The following STUM variants were observed in gnomAD, a reference collection of about 807,000 sequenced individuals.
STUM encodes stum, mechanosensory transduction mediator homolog.
A neutral mutation model predicts 15.3 loss-of-function variants in STUM; 8 were observed. The ratio of observed to expected loss-of-function variants is 0.52; its 90% confidence interval spans 0.31 to 0.94. The LOEUF is 0.94. STUM is among the 40% of genes least tolerant of loss of function. The probability of loss-of-function intolerance (pLI) is 0.05; values close to 1 mark genes in which losing one functional copy is unlikely to be tolerated. For missense variants in STUM, 142 were observed against 204.9 expected (o/e 0.69, Z 1.87); for synonymous variants, 78 against 88.7 (o/e 0.88, Z 0.68).
rs1002552386 is a variant in STUM, at chr1:226,603,890, T to G, written c.*1850T>G. 4.6e-5 allele frequency: 7 copies of G among 152,406 alleles called. No individual in the cohort carries two copies. Among genetic ancestry groups the G allele is most frequent in the Non-Finnish European group, 1.0e-4 (7 of 68,182 alleles). The allele number at this position is 152,406 out of a possible 1,614,324, so 9.4% of individuals were successfully genotyped here. A position where few individuals can be genotyped will look rare whatever the true frequency, so the allele number is the denominator to read the frequency against. On this transcript the variant is annotated 3_prime_UTR_variant, in exon 4 of 4. Coordinates refer to ENST00000366788, the MANE Select transcript of STUM (RefSeq NM_001003665.4). Reference sequence around the variant, plus strand: ...TTTGGAAGCCTCTGTATCTTCAAGGTGTGGGAACAGATTTGGTTTTCTCTA... The same window carrying G: ...TTTGGAAGCCTCTGTATCTTCAAGGGGTGGGAACAGATTTGGTTTTCTCTA...
intron 1 of STUM, among the ~76,000 whole-genome samples, chr1:226,592,415 A>G (rs1445064232): frequency 6.6e-6 from 1 of 152,190 alleles, no homozygotes; most frequent in East Asian, 1.9e-4. Context: ...CTTCTAAACT[A>G]GACAGATTGA....
intron 1 of STUM, among the ~76,000 whole-genome samples, chr1:226,555,070 T>G (rs1476041116): frequency 6.6e-6 from 1 of 152,196 alleles, no homozygotes; most frequent in African/African-American, 2.4e-5. Context: ...TTTCTTTACT[T>G]GGCTTCTACA....
chr1:226,582,841 C>T (rs1202337641), intron 1 of STUM, among the ~76,000 whole-genome samples: 1 of 152,204 alleles, frequency 6.6e-6, no homozygotes, highest in Admixed American at 6.5e-5. Context: ...TGGTAACCAA[C>T]AAGTTTGTGA....
At chr1:226,583,365 G>C (rs1319231005) in intron 1 of STUM, among the ~76,000 whole-genome samples, 1 of 152,196 alleles carries the variant, frequency 6.6e-6, no homozygotes, top group African/African-American at 2.4e-5. Flanking sequence ...AAAGACTTGG[G>C]ATTGTTGTAG....
intron 1 of STUM, among the ~76,000 whole-genome samples, chr1:226,593,494 C>A (rs1668122658): frequency 6.6e-6 from 1 of 152,164 alleles, no homozygotes; most frequent in African/African-American, 2.4e-5. Context: ...AGCCCTCAGC[C>A]TCCTTCTCCT....
At chr1:226,578,239 T>A (rs1219622481) in intron 1 of STUM, among the ~76,000 whole-genome samples, 1 of 152,122 alleles carries the variant, frequency 6.6e-6, no homozygotes, top group Non-Finnish European at 1.5e-5. Context: ...TTTTTAATTT[T>A]AAAAATGTTT....
At chr1:226,575,124 C>T (rs1388899936) in intron 1 of STUM, among the ~76,000 whole-genome samples, 1 of 152,130 alleles carries the variant, frequency 6.6e-6, no homozygotes, top group Non-Finnish European at 1.5e-5. Flanking sequence ...TGGACCTGCC[C>T]AAGTTAGGAA....
intron 1 of STUM, among the ~76,000 whole-genome samples, chr1:226,550,631 C>T (rs1667360557): frequency 6.6e-6 from 1 of 151,458 alleles, no homozygotes; most frequent in Non-Finnish European, 1.5e-5. Context: ...GTAAACGCCA[C>T]CCTATGGTCT....
At chr1:226,553,461 G>A (rs1202338603) in intron 1 of STUM, among the ~76,000 whole-genome samples, 1 of 152,164 alleles carries the variant, frequency 6.6e-6, no homozygotes, top group African/African-American at 2.4e-5. Flanking sequence ...CAGAAGGTCA[G>A]CAGGCTTCAA....
chr1:226,560,748 G>A (rs753175257), intron 1 of STUM, among the ~76,000 whole-genome samples: 4 of 152,168 alleles, frequency 2.6e-5, no homozygotes, highest in Non-Finnish European at 5.9e-5. Context: ...TCTCAGAATG[G>A]CTGTGGTATA....
rs1668278577 is a variant in STUM at position 226,602,119 on chromosome 1, C to T, written c.*79C>T. On this transcript the variant is annotated 3_prime_UTR_variant, in exon 4 of 4. Coordinates refer to ENST00000366788, the MANE Select transcript of STUM (RefSeq NM_001003665.4). ...GCAGCTTTGGGCACAAGGACCTTTA[C>T]ATGTTCTTTTCTGCCATTTTCTGGA... The T allele has an allele frequency of 5.4e-6, 6 of 1,105,728 alleles. No homozygotes were observed. In the South Asian group the frequency reaches 8.0e-5, roughly 15 times the overall value. The allele number at this position is 1,105,728 out of a possible 1,614,324, so 68.5% of individuals were successfully genotyped here.
chr1:226,577,990 T>A (rs982876111), intron 1 of STUM, among the ~76,000 whole-genome samples: 7 of 152,164 alleles, frequency 4.6e-5, no homozygotes, highest in African/African-American at 1.7e-4. Context: ...GCCTCTTCCC[T>A]GACACGCAGC....
intron 1 of STUM, among the ~76,000 whole-genome samples, chr1:226,588,354 T>A (rs1247502842): frequency 1.3e-5 from 2 of 152,234 alleles, no homozygotes; most frequent in East Asian, 3.9e-4. Flanking sequence ...TGTGCTCTGT[T>A]CTGGAGTGGC....
chr1:226,557,876 G>A (rs895250619), intron 1 of STUM, among the ~76,000 whole-genome samples: 3 of 151,958 alleles, frequency 2.0e-5, no homozygotes, highest in African/African-American at 7.3e-5. Context: ...CAGAATAAAG[G>A]ACAAAAACCA....
chr1:226,596,796 T>C lies in STUM; in HGVS notation c.203-6T>C. 6.2e-7 allele frequency: 1 copy of C among 1,607,868 alleles called. No homozygotes were observed. Among genetic ancestry groups the C allele is most frequent in the Non-Finnish European group, 8.5e-7 (1 of 1,175,080 alleles). Reference sequence around the variant, plus strand: ...TCAGAAGGCTGTCCCCTCTGGCCTCTCACAGGGACATTCGTCTCGGCCTTC... The same window carrying C: ...TCAGAAGGCTGTCCCCTCTGGCCTCCCACAGGGACATTCGTCTCGGCCTTC... On this transcript the variant is annotated splice_region_variant and splice_polypyrimidine_tract_variant and intron_variant, in intron 1 of 3. Coordinates refer to ENST00000366788, the MANE Select transcript of STUM (RefSeq NM_001003665.4).
chr1:226,577,587 A>G (rs555134082), intron 1 of STUM, among the ~76,000 whole-genome samples: 7 of 152,282 alleles, frequency 4.6e-5, no homozygotes, highest in African/African-American at 1.7e-4. Context: ...GATGGCTGAA[A>G]GTCCTTTACC....
Position 226,604,809 on chromosome 1 carries a change from T to C in STUM, c.*2769T>C. Reference sequence around the variant, plus strand: ...GCACATTCCAGGTTGGGGCCTTTTGTCGGTCGGAATTCAATAGGACATTCC... The same window carrying C: ...GCACATTCCAGGTTGGGGCCTTTTGCCGGTCGGAATTCAATAGGACATTCC... On this transcript the variant is annotated 3_prime_UTR_variant, in exon 4 of 4. Transcript: ENST00000366788. The surrounding 1 kb of genome is among the most constrained non-coding windows in gnomAD (Gnocchi z 4.7). The C allele has an allele frequency of 6.6e-6, 1 of 152,362 alleles. No individual in the cohort carries two copies. Among genetic ancestry groups the C allele is most frequent in the Non-Finnish European group, 1.5e-5 (1 of 68,110 alleles). The allele number at this position is 152,362 out of a possible 1,614,324, so 9.4% of individuals were successfully genotyped here.
rs1036162793 is a variant in STUM, at chr1:226,552,790, T to C, written c.202+3684T>C. On this transcript the variant is annotated intron_variant, in intron 1 of 3. Coordinates refer to ENST00000366788, the MANE Select transcript of STUM (RefSeq NM_001003665.4). The surrounding 1 kb of genome is among the most constrained non-coding windows in gnomAD (Gnocchi z 4.7). ...CAAGGCTCAAACTGATGATTAATCATGTCCTACCTCCTGGCATCTTTTGTA... is the reference window on the plus strand; with the variant it reads ...CAAGGCTCAAACTGATGATTAATCACGTCCTACCTCCTGGCATCTTTTGTA... Among the ~76,000 whole-genome samples the C allele has an allele frequency of 1.3e-5, 2 of 152,258 alleles. No individual in the cohort carries two copies. The highest frequency in any genetic ancestry group is 4.8e-5 in the African/African-American group (2 of 41,468).
At chr1:226,572,647 G>A (rs759560111) in intron 1 of STUM, among the ~76,000 whole-genome samples, 2 of 152,214 alleles carry the variant, frequency 1.3e-5, no homozygotes, top group African/African-American at 2.4e-5. Flanking sequence ...CGGCCTTTGG[G>A]CAGCATTCCT....
Sources: allele counts gnomAD v4.1 joint callset (sites outside exome capture counted in the v4.1 genomes callset), GRCh38; gene constraint gnomAD v4.1.1; non-coding constraint Gnocchi (gnomAD v3.1); transcripts MANE v1.5; gene names NCBI Gene and HGNC (gene_info 2026-07-23, HGNC 2026-07-21).